EPHB2: variants seen among roughly 807,000 people sequenced by gnomAD.
The protein encoded by EPHB2 is ephrin type-B receptor 2.
Under a neutral mutation model 96.4 loss-of-function variants are expected in EPHB2, and 18 were observed. The ratio of observed to expected loss-of-function variants is 0.19; its 90% CI spans 0.13 to 0.28. The LOEUF is 0.28. EPHB2 is among the 10% of genes least tolerant of loss of function. The pLI, the probability that EPHB2 is intolerant of heterozygous loss-of-function variation, is 1.00. For missense variants in EPHB2, 989 were observed against 1,355.4 expected (o/e 0.73, Z 4.25); for synonymous variants, 506 against 534.1 (o/e 0.95, Z 0.72).
chr1:22,818,992 C>G (rs1645112780), intron 3 of EPHB2, among the ~76,000 whole-genome samples: 1 of 151,866 alleles, frequency 6.6e-6, no homozygotes, highest in Non-Finnish European at 1.5e-5. Context: ...AGGCTCCCCC[C>G]TCCCAGGGGA....
At chr1:22,816,426 C>G (rs957135813) in intron 3 of EPHB2, among the ~76,000 whole-genome samples, 3 of 152,158 alleles carry the variant, frequency 2.0e-5, no homozygotes, top group Non-Finnish European at 4.4e-5. Context: ...GCATTGCCTT[C>G]TCCAGCACTC....
rs374082019 is a variant in EPHB2, at chr1:22,896,327, T to G, written c.1701-87T>G. Reference sequence around the variant, plus strand: ...TGGCAGGGGTGTGGCTTCTAGGGCCTGCCCACCCTCTCCCTATCACCTACT... The same window carrying G: ...TGGCAGGGGTGTGGCTTCTAGGGCCGGCCCACCCTCTCCCTATCACCTACT... On this transcript the variant is annotated intron_variant, in intron 8 of 15. Transcript: ENST00000374630. 185 of 1,575,834 alleles carry G rather than the reference T, an allele frequency of 1.2e-4. No individual in the cohort carries two copies. The African/African-American group carries it at 2.3e-3, about 19-fold the overall frequency.
At chr1:22,866,565 G>A (rs1354719490) in intron 5 of EPHB2, among the ~76,000 whole-genome samples, 5 of 152,112 alleles carry the variant, frequency 3.3e-5, no homozygotes, top group East Asian at 1.9e-4. Context: ...CACCCAGCCA[G>A]TAGAATGTTG....
In EPHB2 at chr1:22,865,344, G is replaced by A. The variant is rs897411628; in HGVS notation, c.1303+132G>A. ...TTTTCAAAGGCTTTTCATGTGATCG[G>A]TCCACCTGGGAGAGTAAGTGCTACC... On this transcript the variant is annotated intron_variant, in intron 5 of 15. Transcript: ENST00000374630. The A allele has an allele frequency of 3.8e-6, 4 of 1,060,308 alleles. No individual in the cohort carries two copies. The African/African-American group carries it at 6.3e-5, about 17-fold the overall frequency. The allele number at this position is 1,060,308 out of a possible 1,614,324, so 65.7% of individuals were successfully genotyped here. A position where few individuals can be genotyped will look rare whatever the true frequency, so the allele number is the denominator to read the frequency against.
intron 3 of EPHB2, among the ~76,000 whole-genome samples, chr1:22,798,229 G>A (rs1205970176): frequency 6.6e-6 from 1 of 152,134 alleles, no homozygotes; most frequent in African/African-American, 2.4e-5. Context: ...AATCCTGCTG[G>A]GAGTAACGCT....
In EPHB2 at chr1:22,781,456, C is replaced by T. The variant is rs1644531636; in HGVS notation, c.97C>T (p.Leu33=). The T allele has an allele frequency of 1.2e-6, 2 of 1,614,114 alleles. No homozygotes were observed. The highest frequency in any genetic ancestry group is 1.7e-6 in the Non-Finnish European group (2 of 1,179,996). ...GGACTCCACTACAGCGACTGCTGAG[C>T]TGGGCTGGATGGTGCATCCTCCATC... is the stretch of plus-strand genomic sequence containing the variant. ...LMDSTTATAE[L]GWMVHPPSGW... Residue 33 remains leucine (L), a synonymous_variant, in exon 2 of 16, where the codon CTG becomes TTG. Transcript: ENST00000374630.
chr1:22,734,391 C>G (rs562972732), intron 1 of EPHB2, among the ~76,000 whole-genome samples: 1 of 151,762 alleles, frequency 6.6e-6, no homozygotes, highest in African/African-American at 2.4e-5. Flanking sequence ...GATATATACA[C>G]TCAATAAAGT....
chr1:22,804,556 TCA>T (rs1644896585), intron 3 of EPHB2, among the ~76,000 whole-genome samples: 1 of 151,980 alleles, frequency 6.6e-6, no homozygotes, highest in South Asian at 2.1e-4. Context: ...GCAGACTCAC[TCA>T]CAGTCCTCAG....
chr1:22,807,369 T>A (rs1557686302), intron 3 of EPHB2, among the ~76,000 whole-genome samples: 1 of 152,196 alleles, frequency 6.6e-6, no homozygotes, highest in Non-Finnish European at 1.5e-5. Flanking sequence ...AATATCCCCA[T>A]TTTATAGATG....
At chr1:22,739,818 C>T (rs1421036199) in intron 1 of EPHB2, among the ~76,000 whole-genome samples, 2 of 152,102 alleles carry the variant, frequency 1.3e-5, no homozygotes, top group Non-Finnish European at 2.9e-5. Context: ...CCCACATGCC[C>T]GGCCTGGCCT....
At chr1:22,739,878 A>G (rs547798834) in intron 1 of EPHB2, among the ~76,000 whole-genome samples, 1 of 152,308 alleles carries the variant, frequency 6.6e-6, no homozygotes, top group East Asian at 1.9e-4. Context: ...CGCTGCGGAA[A>G]GTTGTGCCGG....
At chr1:22,891,130 TGAA>T (rs1557738619) in intron 6 of EPHB2, 1 of 456,048 alleles carries the variant, frequency 2.2e-6, no homozygotes, top group Non-Finnish European at 4.4e-6. Flanking sequence ...CTTTTACAGA[TGAA>T]GACACAGAGA....
chr1:22,831,038 CGT>C (rs1480074342), intron 3 of EPHB2, among the ~76,000 whole-genome samples: 2 of 152,192 alleles, frequency 1.3e-5, no homozygotes, highest in African/African-American at 4.8e-5. Context: ...TAATGCTCCA[CGT>C]TGACTACCAG....
At chr1:22,886,910 G>A (rs539905768) in intron 6 of EPHB2, among the ~76,000 whole-genome samples, 2 of 152,180 alleles carry the variant, frequency 1.3e-5, no homozygotes, top group East Asian at 3.9e-4. Flanking sequence ...ACAGGGGTGA[G>A]CCACCGCGCC....
intron 1 of EPHB2, among the ~76,000 whole-genome samples, chr1:22,734,167 G>A (rs540640773): frequency 6.6e-6 from 1 of 152,270 alleles, no homozygotes; most frequent in African/African-American, 2.4e-5. Context: ...TGGAGCAGCT[G>A]CCTCTGTGGC....
chr1:22,859,572 A>G (rs896442645), intron 3 of EPHB2, among the ~76,000 whole-genome samples: 7 of 152,124 alleles, frequency 4.6e-5, no homozygotes, highest in South Asian at 2.1e-4. Context: ...AGGCGGGTGG[A>G]TCACTTGAGG....
chr1:22,766,277 C>T (rs1644306557), intron 1 of EPHB2, among the ~76,000 whole-genome samples: 1 of 152,210 alleles, frequency 6.6e-6, no homozygotes, highest in African/African-American at 2.4e-5. Context: ...ATGGGGACCA[C>T]ATGGCATCAC....
At chr1:22,798,020 G>A (rs866531390) in intron 3 of EPHB2, among the ~76,000 whole-genome samples, 2 of 152,126 alleles carry the variant, frequency 1.3e-5, no homozygotes, top group Non-Finnish European at 2.9e-5. Context: ...ACCATCTGAC[G>A]TACTATGTAT....
chr1:22,840,953 A>G (rs1645458720), intron 3 of EPHB2, among the ~76,000 whole-genome samples: 2 of 152,220 alleles, frequency 1.3e-5, no homozygotes, highest in African/African-American at 4.8e-5. Context: ...CACAGCCAGG[A>G]AGTGGTCTGA....
Sources: allele counts gnomAD v4.1 joint callset (sites outside exome capture counted in the v4.1 genomes callset), GRCh38; gene constraint gnomAD v4.1.1; transcripts MANE v1.5; gene names NCBI Gene and HGNC (gene_info 2026-07-23, HGNC 2026-07-21).